CFAP54: variants seen among roughly 807,000 people sequenced by gnomAD.
The protein encoded by CFAP54 is cilia and flagella associated protein 54.
A neutral mutation model predicts 370.4 loss-of-function variants in CFAP54; 290 were observed. The observed-to-expected ratio is 0.78, with a 90% CI of 0.71 to 0.86. The LOEUF is 0.86. CFAP54 is among the 40% of genes least tolerant of loss of function. The probability of loss-of-function intolerance (pLI) is 0.00; values close to 1 mark genes in which losing one functional copy is unlikely to be tolerated. For synonymous variants in CFAP54, 1,206 were observed against 1,236.5 expected, an observed-to-expected ratio of 0.98 and a Z score of 0.52; for missense variants, 3,399 against 3,528.7, an observed-to-expected ratio of 0.96 and a Z score of 0.93.
Position 96,592,609 on chromosome 12 carries a change from A to G in CFAP54, c.3332A>G (p.Lys1111Arg). The G allele has an allele frequency of 8.2e-7, 1 of 1,221,592 alleles. No individual in the cohort carries two copies. The allele number at this position is 1,221,592 out of a possible 1,614,324, so 75.7% of individuals were successfully genotyped here. A position where few individuals can be genotyped will look rare whatever the true frequency, so the allele number is the denominator to read the frequency against. ...KEENLFCDNI[K>R]GNEIFPSQQI... is the part of the protein sequence containing the mutation. ...GAAAATCTTTTCTGTGATAATATTA[A>G]AGGCAATGAGATTTTCCCATCTCAA... Residue 1111 changes from lysine (K) to arginine (R), a missense_variant, in exon 24 of 68, where the codon AAA (lysine) becomes AGA (arginine). Physicochemically the swap from Lys to Arg is conservative, Grantham distance 26. Transcript: ENST00000524981.
At chr12:96,630,733 A>T in intron 32 of CFAP54, 82 bp downstream of exon 32, 1 of 772,022 alleles carries the variant, frequency 1.3e-6, no homozygotes. Context: ...CTAGGGATAC[A>T]CTGGTGGACC....
intron 58 of CFAP54, among the ~76,000 whole-genome samples, chr12:96,759,303 A>C (rs5800269): frequency 0.36 from 54,894 of 150,990 alleles, 10,670 homozygotes; most frequent in East Asian, 0.58. Flanking sequence ...AAAAAAAAAA[A>C]CCCTTGTTTT....
intron 60 of CFAP54, among the ~76,000 whole-genome samples, chr12:96,781,286 A>C (rs1478578859): frequency 6.6e-6 from 1 of 152,144 alleles, no homozygotes; most frequent in Non-Finnish European, 1.5e-5. Context: ...TCTAGGGAAA[A>C]ATATTCTTTA....
At chr12:96,589,286 A>T in intron 22 of CFAP54, 141 bp from the exon 23 acceptor site, 1 of 692,532 alleles carries the variant, frequency 1.4e-6, no homozygotes, top group Non-Finnish European at 2.3e-6. Context: ...ACAGAACAGC[A>T]AATGTGAATG....
At chr12:96,826,565 A>C (rs541907904) in intron 65 of CFAP54, among the ~76,000 whole-genome samples, 1 of 47,098 alleles carries the variant, frequency 2.1e-5, no homozygotes, top group African/African-American at 6.7e-5. Context: ...AATATATAAT[A>C]TATAATATAG....
At chr12:96,829,185 G>C in intron 66 of CFAP54, 97 bp downstream of exon 66, 1 of 587,854 alleles carries the variant, frequency 1.7e-6, no homozygotes, top group Non-Finnish European at 2.8e-6. Context: ...AGTATCAAGG[G>C]CCTAACCCTC....
rs535072546 is a variant in CFAP54 at position 96,669,365 on chromosome 12, A to G, written c.5563+5433A>G. Among the ~76,000 whole-genome samples, 9 of 152,344 alleles carry G rather than the reference A, an allele frequency of 5.9e-5. 1 individual carries two copies. The highest frequency in any genetic ancestry group is 1.9e-4 in the African/African-American group (8 of 41,590). ...CTTAGCCCAAAGGCCGAGAAGTGTT[A>G]TATTTGCGTGTTTTTGAAAACCTTT... On this transcript the variant is annotated intron_variant, in intron 39 of 67. Coordinates refer to ENST00000524981, the MANE Select transcript of CFAP54 (RefSeq NM_001306084.2).
intron 66 of CFAP54, among the ~76,000 whole-genome samples, chr12:96,847,619 A>C (rs1463254512): frequency 6.6e-6 from 1 of 152,222 alleles, no homozygotes; most frequent in Non-Finnish European, 1.5e-5. Context: ...ATTTTTAAAC[A>C]TATATTTCAG....
chr12:96,654,926 G>C (rs996088351), intron 36 of CFAP54, among the ~76,000 whole-genome samples: 3 of 148,028 alleles, frequency 2.0e-5, no homozygotes, highest in African/African-American at 7.4e-5. Flanking sequence ...ACATAGATTT[G>C]TCAATTCAGT....
At chr12:96,575,798 A>G (rs1955969346) in intron 19 of CFAP54, among the ~76,000 whole-genome samples, 1 of 152,066 alleles carries the variant, frequency 6.6e-6, no homozygotes, top group South Asian at 2.1e-4. Flanking sequence ...TTTGCATGTA[A>G]TGTCCAATTG....
chr12:96,664,787 A>ATCTATC (rs1565934545), intron 39 of CFAP54, among the ~76,000 whole-genome samples: 22 of 15,054 alleles, frequency 1.5e-3, no homozygotes, highest in South Asian at 8.7e-3. Flanking sequence ...CTATATATAT[A>ATCTATC]TATATATATA....
intron 33 of CFAP54, among the ~76,000 whole-genome samples, chr12:96,644,845 A>T (rs1278506001): frequency 6.6e-6 from 1 of 152,198 alleles, no homozygotes; most frequent in Non-Finnish European, 1.5e-5. Flanking sequence ...GATTATTACA[A>T]TTCAAAGTGA....
chr12:96,805,368 A>C (rs1158856028), intron 63 of CFAP54, among the ~76,000 whole-genome samples: 1 of 150,258 alleles, frequency 6.7e-6, no homozygotes, highest in Non-Finnish European at 1.5e-5. Flanking sequence ...AGAATCTACA[A>C]GGAACTCAAG....
intron 26 of CFAP54, among the ~76,000 whole-genome samples, chr12:96,601,809 T>A (rs1474619557): frequency 1.3e-5 from 2 of 152,228 alleles, no homozygotes; most frequent in African/African-American, 4.8e-5. Context: ...GATATCCCCT[T>A]TATCATTTTT....
intron 26 of CFAP54, among the ~76,000 whole-genome samples, chr12:96,604,951 G>C (rs936213373): frequency 6.6e-6 from 1 of 152,192 alleles, no homozygotes; most frequent in African/African-American, 2.4e-5. Flanking sequence ...GTGACGCCCT[G>C]CCCTGCTTTG....
chr12:96,843,324 G>C (rs1307845600), intron 66 of CFAP54, among the ~76,000 whole-genome samples: 1 of 152,146 alleles, frequency 6.6e-6, no homozygotes, highest in African/African-American at 2.4e-5. Context: ...AGTCCACAGA[G>C]CCCTTCAGGA....
chr12:96,622,329 G>A (rs185847671), intron 27 of CFAP54, among the ~76,000 whole-genome samples: 547 of 29,398 alleles, frequency 0.019, 2 homozygotes, highest in African/African-American at 0.06. Flanking sequence ...CTGCCCGCCC[G>A]CCCTCCCTCC....
chr12:96,623,965 G>C, intron 28 of CFAP54, 84 bp downstream of exon 28: 1 of 875,860 alleles, frequency 1.1e-6, no homozygotes, highest in East Asian at 2.7e-5. Context: ...ATTAAGATGA[G>C]ATTAGCATTT....
chr12:96,632,962 ATC>A (rs1475173327), intron 32 of CFAP54, among the ~76,000 whole-genome samples: 7 of 152,150 alleles, frequency 4.6e-5, no homozygotes, highest in African/African-American at 1.2e-4. Context: ...TGTTAGATAC[ATC>A]AAGGAACTGT....
Sources: allele counts gnomAD v4.1 joint callset (sites outside exome capture counted in the v4.1 genomes callset), GRCh38; gene constraint gnomAD v4.1.1; transcripts MANE v1.5; gene names NCBI Gene and HGNC (gene_info 2026-07-23, HGNC 2026-07-21).